Variants in DDX27 observed in about 807,000 individuals in gnomAD.
DDX27 encodes probable ATP-dependent RNA helicase DDX27.
DDX27 carries 42 observed loss-of-function variants against 99.3 expected under a neutral mutation model. The ratio of observed to expected loss-of-function variants is 0.42; its 90% confidence interval spans 0.33 to 0.55. DDX27 has a LOEUF of 0.55. DDX27 is among the 20% of genes least tolerant of loss of function. DDX27 has a pLI of 0.07. For synonymous variants in DDX27, 329 were observed against 353.8 expected, an observed-to-expected ratio of 0.93 and a Z score of 0.79; for missense variants, 798 against 976.8, an observed-to-expected ratio of 0.82 and a Z score of 2.44.
chr20:49,222,955 A>G lies in DDX27; in HGVS notation c.241-2A>G. 6.2e-7 allele frequency: 1 copy of G among 1,608,528 alleles called. No homozygotes were observed. Among genetic ancestry groups the G allele is most frequent in the Non-Finnish European group, 8.5e-7 (1 of 1,177,560 alleles). On this transcript the variant is annotated splice_acceptor_variant, in intron 2 of 20. Transcript: ENST00000618172. LOFTEE classifies it high-confidence loss of function. ...TTTTCACCTCTTTATTTTTATCTGCAGAGGGCAGCCACTACATTAGATGAG... is the reference window on the plus strand; with the variant it reads ...TTTTCACCTCTTTATTTTTATCTGCGGAGGGCAGCCACTACATTAGATGAG...
At chr20:49,229,030 CTTTTT>C (rs11477123) in intron 8 of DDX27, 142 bp downstream of exon 8, 2,525 of 284,910 alleles carry the variant, frequency 8.9e-3, no homozygotes, top group South Asian at 0.013. Flanking sequence ...AACTGGAAGA[CTTTTT>C]TTTTTTTTTT....
chr20:49,228,020 T>C (rs957904266), intron 7 of DDX27, among the ~76,000 whole-genome samples: 1 of 152,036 alleles, frequency 6.6e-6, no homozygotes, highest in East Asian at 1.9e-4. Context: ...TTTGTATTTT[T>C]AGTAGAGACA....
chr20:49,233,014 G>T (rs1465149156), intron 9 of DDX27, among the ~76,000 whole-genome samples: 1 of 151,978 alleles, frequency 6.6e-6, no homozygotes. Flanking sequence ...GCACTTGAAA[G>T]TCTTGGGTGT....
chr20:49,233,369 C>T lies in DDX27; in HGVS notation c.1095C>T (p.Arg365=), dbSNP rs756763830. 1.9e-6 allele frequency: 3 copies of T among 1,613,956 alleles called. No homozygotes were observed. In the African/African-American group the frequency reaches 4.0e-5, roughly 22 times the overall value. The change falls in exon 10 of 21, where the codon CGC becomes CGT. Residue 365 remains arginine, a synonymous_variant. Coordinates refer to ENST00000618172, the MANE Select transcript of DDX27 (RefSeq NM_017895.8). ...KEIIRMCSHH[R]QTMLFSATMT... is the part of the protein sequence containing the mutation. ...TCATCCGAATGTGTTCCCACCACCG[C>T]CAGACCATGCTCTTCTCGGCCACCA...
chr20:49,239,356 C>T lies in DDX27; in HGVS notation c.1897+18C>T, dbSNP rs370167392. On this transcript the variant is annotated intron_variant, in intron 16 of 20. Coordinates refer to ENST00000618172, the MANE Select transcript of DDX27 (RefSeq NM_017895.8). ...GGAGAAAAGTAAGTCAGGGAGGTTC[C>T]GCAGAAATCTAAATACAGAATTACC... The T allele has an allele frequency of 8.2e-6, 13 of 1,577,776 alleles. No homozygotes were observed. Among genetic ancestry groups the T allele is most frequent in the East Asian group, 6.7e-5 (3 of 44,568 alleles).
At chr20:49,242,387 G>A (rs1980509088) in intron 18 of DDX27, among the ~76,000 whole-genome samples, 181 bp downstream of exon 18, 1 of 152,166 alleles carries the variant, frequency 6.6e-6, no homozygotes, top group Non-Finnish European at 1.5e-5. Flanking sequence ...TGTGGTTGTT[G>A]AGAACTAGGA....
At position 49,219,575 on chromosome 20, in the gene DDX27, G is replaced by T. The variant is rs751353113; in HGVS notation, c.93+34G>T. The stretch of plus-strand genomic sequence containing the variant: ...ACGGTTCTGGTCTTTGGGTTTCCTT[G>T]ACTGCTTCCCTTCCTCGCGATTCCT... On this transcript the variant is annotated intron_variant, in intron 1 of 20. Transcript: ENST00000618172. 3 of 1,566,058 alleles carry T rather than the reference G, an allele frequency of 1.9e-6. No individual in the cohort carries two copies. In the South Asian group the frequency reaches 3.4e-5, roughly 18 times the overall value.
intron 6 of DDX27, among the ~76,000 whole-genome samples, chr20:49,226,132 G>A (rs569356081): frequency 2.6e-5 from 4 of 152,294 alleles, no homozygotes; most frequent in South Asian, 4.1e-4. Flanking sequence ...CCTGCTGCCC[G>A]TCTGGCCGCT....
chr20:49,225,980 G>A (rs1979872595), intron 6 of DDX27, among the ~76,000 whole-genome samples: 1 of 152,102 alleles, frequency 6.6e-6, no homozygotes, highest in African/African-American at 2.4e-5. Flanking sequence ...CTTCCTCAGG[G>A]CCCTTGCACT....
At position 49,230,223 on chromosome 20, in the gene DDX27, A is replaced by G; in HGVS notation, c.905A>G (p.Glu302Gly). ...AVGGLDVKSQ[E>G]AALRAAPDIL... ...GGCGGCTTGGATGTGAAGTCTCAGG[A>G]AGCAGCTCTTCGGGCAGCGCCTGAC... Residue 302 changes from glutamate (E) to glycine (G), a missense_variant, in exon 9 of 21, where the codon GAA becomes GGA. By Grantham distance (98) the Glu-to-Gly change is moderately conservative (BLOSUM62 -2). Coordinates refer to ENST00000618172, the MANE Select transcript of DDX27 (RefSeq NM_017895.8). 1 of 1,613,052 alleles carries G rather than the reference A, an allele frequency of 6.2e-7. No individual in the cohort carries two copies. Among genetic ancestry groups the G allele is most frequent in the Non-Finnish European group, 8.5e-7 (1 of 1,179,888 alleles).
chr20:49,233,488 G>A (rs1194611516), intron 10 of DDX27, 80 bp from the exon 11 acceptor site: 4 of 1,601,930 alleles, frequency 2.5e-6, no homozygotes, highest in Admixed American at 1.7e-5. Context: ...GCTTGAGGGG[G>A]TTTGCCTGGG....
chr20:49,228,940 A>G (rs769401790), intron 8 of DDX27, 52 bp downstream of exon 8: 29 of 1,467,526 alleles, frequency 2.0e-5, no homozygotes, highest in Non-Finnish European at 2.3e-5. Context: ...GGTGGGGTGG[A>G]GGATGGATGT....
chr20:49,233,735 A>G (rs765814396), intron 11 of DDX27, 26 bp downstream of exon 11: 2 of 1,604,562 alleles, frequency 1.2e-6, no homozygotes, highest in South Asian at 1.1e-5. Flanking sequence ...AAGCCTGGGC[A>G]GGGTGGGCTG....
chr20:49,237,122 CA>C (rs1322447481), intron 14 of DDX27, among the ~76,000 whole-genome samples: 1 of 151,990 alleles, frequency 6.6e-6, no homozygotes, highest in Non-Finnish European at 1.5e-5. Context: ...TGCTAGAGGC[CA>C]GGAGTTCAAG....
At chr20:49,227,531 TG>T (rs1200591502) in intron 7 of DDX27, among the ~76,000 whole-genome samples, 2 of 151,980 alleles carry the variant, frequency 1.3e-5, no homozygotes, top group Non-Finnish European at 2.9e-5. Flanking sequence ...CACACCCGGC[TG>T]ATTTTTGTAT....
chr20:49,221,957 G>A (rs974505053), intron 2 of DDX27, among the ~76,000 whole-genome samples: 1 of 151,900 alleles, frequency 6.6e-6, no homozygotes, highest in Non-Finnish European at 1.5e-5. Context: ...TACCACAGAT[G>A]TCATTGTCAT....
At chr20:49,230,865 T>C (rs1467663885) in intron 9 of DDX27, among the ~76,000 whole-genome samples, 1 of 152,178 alleles carries the variant, frequency 6.6e-6, no homozygotes, top group African/African-American at 2.4e-5. Context: ...GGACTGAGGC[T>C]GGAGGTGGGG....
intron 7 of DDX27, among the ~76,000 whole-genome samples, chr20:49,226,963 C>T (rs547345117): frequency 2.2e-5 from 3 of 137,346 alleles, no homozygotes; most frequent in East Asian, 4.5e-4. Flanking sequence ...CCCGGGTTCA[C>T]GCCATTCTCC....
intron 19 of DDX27, 43 bp from the exon 20 acceptor site, chr20:49,243,586 G>A: frequency 6.3e-7 from 1 of 1,587,696 alleles, no homozygotes; most frequent in South Asian, 1.1e-5. Flanking sequence ...ACACCCATTT[G>A]TTCAACAGTT....
Sources: allele counts gnomAD v4.1 joint callset (sites outside exome capture counted in the v4.1 genomes callset), GRCh38; gene constraint gnomAD v4.1.1; transcripts MANE v1.5; gene names NCBI Gene and HGNC (gene_info 2026-07-23, HGNC 2026-07-21).